PAMR1: variants seen among roughly 807,000 people sequenced by gnomAD.
PAMR1 encodes the protein inactive serine protease PAMR1.
PAMR1 carries 88 observed loss-of-function variants against 81.8 expected under a neutral mutation model. The observed-to-expected ratio is 1.08, with a 90% CI of 0.91 to 1.28. The LOEUF is 1.28. PAMR1 is among the 50% of genes most tolerant of loss of function. The pLI, the probability that PAMR1 is intolerant of heterozygous loss-of-function variation, is 0.00. For synonymous variants in PAMR1, 336 were observed against 345.3 expected (o/e 0.97, Z 0.30); for missense variants, 935 against 919.7 (o/e 1.02, Z -0.21).
intron 8 of PAMR1, among the ~76,000 whole-genome samples, chr11:35,437,334 G>A (rs1162089713): frequency 6.6e-6 from 1 of 152,212 alleles, no homozygotes; most frequent in African/African-American, 2.4e-5. Flanking sequence ...AAGAAACTTG[G>A]TACCCAAGGC....
chr11:35,502,624 T>C (rs1299531191), intron 1 of PAMR1, among the ~76,000 whole-genome samples: 1 of 152,212 alleles, frequency 6.6e-6, no homozygotes, highest in Non-Finnish European at 1.5e-5. Flanking sequence ...TATTCCATGG[T>C]GTATATGTAC....
chr11:35,453,347 C>T (rs969522792), intron 6 of PAMR1: 1 of 152,266 alleles, frequency 6.6e-6, no homozygotes, highest in Non-Finnish European at 1.5e-5. Flanking sequence ...AATGTCTACC[C>T]ACGACGGCCT....
intron 6 of PAMR1, among the ~76,000 whole-genome samples, chr11:35,461,290 C>T (rs1410143139): frequency 6.6e-6 from 1 of 152,190 alleles, no homozygotes; most frequent in Non-Finnish European, 1.5e-5. Context: ...GGGTCTGGCC[C>T]TTTCAACACT....
upstream of PAMR1, among the ~76,000 whole-genome samples, chr11:35,529,473 A>G (rs754915328): frequency 1.3e-5 from 2 of 152,184 alleles, no homozygotes; most frequent in Non-Finnish European, 2.9e-5. Context: ...CTGACTTAAG[A>G]GCACTTGCTC....
chr11:35,455,522 C>T (rs1856510176), intron 6 of PAMR1, among the ~76,000 whole-genome samples: 1 of 152,184 alleles, frequency 6.6e-6, no homozygotes, highest in South Asian at 2.1e-4. Context: ...ATATGATACA[C>T]CAGCCTTGCA....
At chr11:35,499,728 A>G (rs1037311226) in intron 1 of PAMR1, among the ~76,000 whole-genome samples, 1 of 152,158 alleles carries the variant, frequency 6.6e-6, no homozygotes, top group Middle Eastern at 3.4e-3. Flanking sequence ...CTTTACTCCA[A>G]TGAGCAAGCC....
intron 3 of PAMR1, among the ~76,000 whole-genome samples, chr11:35,482,708 T>C (rs1026342344): frequency 3.2e-4 from 49 of 152,220 alleles, no homozygotes; most frequent in African/African-American, 1.2e-3. Flanking sequence ...CTCGCTCATT[T>C]CCTTGAGCAG....
chr11:35,431,955 G>C lies in PAMR1; in HGVS notation c.*401C>G, dbSNP rs1216354898. 4.5e-6 allele frequency: 1 copy of C among 222,236 alleles called. No homozygotes were observed. Among genetic ancestry groups the C allele is most frequent in the African/African-American group, 2.3e-5 (1 of 43,620 alleles). The allele number at this position is 222,236 out of a possible 1,614,324, so 13.8% of individuals were successfully genotyped here. On this transcript the variant is annotated 3_prime_UTR_variant, in exon 11 of 11. Transcript: ENST00000619888. The stretch of plus-strand genomic sequence containing the variant: ...CCACATCCCAGCTCTGCTGCCCTGG[G>C]CTGTCCCACAGGCAGCTCTCTAGAA...
At chr11:35,500,008 G>A (rs1026673161) in intron 1 of PAMR1, among the ~76,000 whole-genome samples, 3 of 152,200 alleles carry the variant, frequency 2.0e-5, no homozygotes, top group African/African-American at 4.8e-5. Flanking sequence ...AAGATGGACT[G>A]TAGAACCACA....
At chr11:35,462,746 G>T (rs948047295) in intron 6 of PAMR1, among the ~76,000 whole-genome samples, 3 of 152,146 alleles carry the variant, frequency 2.0e-5, no homozygotes, top group Admixed American at 6.5e-5. Flanking sequence ...TTTTCTGGAG[G>T]TTATAAATGG....
intron 5 of PAMR1, among the ~76,000 whole-genome samples, chr11:35,468,610 T>G (rs1289630737): frequency 6.6e-6 from 1 of 152,248 alleles, no homozygotes; most frequent in Non-Finnish European, 1.5e-5. Context: ...GATGTTGATG[T>G]GTTTTACTAA....
At chr11:35,442,028 C>T (rs910231386) in intron 6 of PAMR1, among the ~76,000 whole-genome samples, 6 of 152,080 alleles carry the variant, frequency 3.9e-5, no homozygotes, top group Non-Finnish European at 5.9e-5. Flanking sequence ...ATTTTATTAT[C>T]GGTATACAAG....
chr11:35,466,600 G>A (rs904952377), intron 6 of PAMR1, among the ~76,000 whole-genome samples: 6 of 151,772 alleles, frequency 4.0e-5, no homozygotes, highest in African/African-American at 9.7e-5. Flanking sequence ...GGTGGCGGGC[G>A]CCTGTAGTCC....
Position 35,432,539 on chromosome 11 carries a change from GA to G in PAMR1, c.1979del (p.Ile660ThrfsTer26). ...CGATGCCTCCTGTCTCTGCAGTGCAGATATCAGAAGGGGCAGTGGGTTCCCA... is the reference window on the plus strand; with the variant it reads ...CGATGCCTCCTGTCTCTGCAGTGCAGTATCAGAAGGGGCAGTGGGTTCCCA... The part of the protein sequence containing the change: ...ASWEPTAPSD[I>X]CTAETGGIAA... On this transcript the variant is annotated frameshift_variant, in exon 11 of 11. Coordinates refer to ENST00000619888, the MANE Select transcript of PAMR1 (RefSeq NM_001001991.3). LOFTEE classifies it high-confidence loss of function. 6.2e-7 allele frequency: 1 copy of G among 1,614,224 alleles called. No homozygotes were observed. The highest frequency in any genetic ancestry group is 8.5e-7 in the Non-Finnish European group (1 of 1,180,044).
At chr11:35,435,038 G>C (rs1284338038) in intron 9 of PAMR1, among the ~76,000 whole-genome samples, 1 of 152,108 alleles carries the variant, frequency 6.6e-6, no homozygotes, top group East Asian at 1.9e-4. Context: ...CTGATCCCAG[G>C]CACTTACTAT....
At chr11:35,476,601 C>G (rs1850289363) in intron 3 of PAMR1, among the ~76,000 whole-genome samples, 1 of 152,144 alleles carries the variant, frequency 6.6e-6, no homozygotes, top group Non-Finnish European at 1.5e-5. Flanking sequence ...TATAAATTAC[C>G]CAGTCTCAGA....
chr11:35,473,291 T>A (rs1850223357), intron 4 of PAMR1, among the ~76,000 whole-genome samples: 2 of 152,146 alleles, frequency 1.3e-5, no homozygotes, highest in South Asian at 4.2e-4. Flanking sequence ...TTTCCATGAC[T>A]CCCTAAGGCC....
intron 1 of PAMR1, among the ~76,000 whole-genome samples, chr11:35,512,003 G>C (rs1851082316): frequency 6.6e-6 from 1 of 152,156 alleles, no homozygotes; most frequent in African/African-American, 2.4e-5. Context: ...CTCAACCTCG[G>C]TGACCTCAGT....
chr11:35,510,813 C>T (rs1326812277), intron 1 of PAMR1, among the ~76,000 whole-genome samples: 3 of 152,186 alleles, frequency 2.0e-5, no homozygotes, highest in African/African-American at 7.2e-5. Context: ...TGTGCAAGTG[C>T]TCCCCTGATC....
Sources: allele counts gnomAD v4.1 joint callset (sites outside exome capture counted in the v4.1 genomes callset), GRCh38; gene constraint gnomAD v4.1.1; transcripts MANE v1.5; gene names NCBI Gene and HGNC (gene_info 2026-07-23, HGNC 2026-07-21).